The following PPP2R2B variants were observed in gnomAD, a reference collection of about 807,000 sequenced individuals.
PPP2R2B encodes serine/threonine-protein phosphatase 2A 55 kDa regulatory subunit B beta isoform.
Under a neutral mutation model 46.0 loss-of-function variants are expected in PPP2R2B, and 5 were observed. The ratio of observed to expected loss-of-function variants is 0.11; its 90% CI spans 0.06 to 0.23. The LOEUF (loss-of-function observed/expected upper bound fraction) is 0.23. PPP2R2B is among the 10% of genes least tolerant of loss of function. PPP2R2B has a pLI of 1.00. For synonymous variants in PPP2R2B, 215 were observed against 206.7 expected, an observed-to-expected ratio of 1.04 and a Z score of -0.34; for missense variants, 367 against 575.0, an observed-to-expected ratio of 0.64 and a Z score of 3.70.
In PPP2R2B at chr5:146,895,883, T is replaced by C. The variant is rs1425639024; in HGVS notation, c.79+159782A>G. On this transcript the variant is annotated intron_variant, in intron 1 of 8. Coordinates refer to the PPP2R2B transcript ENST00000336640. ...TCTAATTCATAAATTCCATAATGTG[T>C]ACATAATTGGAAGACATCAAAATAT... Among the ~76,000 whole-genome samples the C allele has an allele frequency of 2.6e-5, 4 of 152,318 alleles. No homozygotes were observed. The East Asian group carries it at 7.7e-4, about 29-fold the overall frequency.
chr5:146,931,992 GCA>G (rs1763984615), intron 1 of PPP2R2B, among the ~76,000 whole-genome samples: 3 of 152,136 alleles, frequency 2.0e-5, no homozygotes, highest in African/African-American at 7.2e-5. Flanking sequence ...CTGGTCATCA[GCA>G]ATAATCTGAA....
chr5:146,913,554 T>G (rs1267811720), intron 1 of PPP2R2B, among the ~76,000 whole-genome samples: 1 of 151,618 alleles, frequency 6.6e-6, no homozygotes, highest in East Asian at 1.9e-4. Context: ...TTTTCAATGT[T>G]TTTTTTTTCA....
intron 7 of PPP2R2B, among the ~76,000 whole-genome samples, chr5:146,615,523 A>G (rs1246202668): frequency 6.8e-6 from 1 of 147,140 alleles, no homozygotes; most frequent in Non-Finnish European, 1.5e-5. Context: ...ATTAAAAAAA[A>G]AAAAAAAGAA....
chr5:146,901,408 G>A (rs1031690215), intron 1 of PPP2R2B, among the ~76,000 whole-genome samples: 1 of 152,080 alleles, frequency 6.6e-6, no homozygotes, highest in Non-Finnish European at 1.5e-5. Flanking sequence ...GGGGGACTGA[G>A]GTGGGATGAT....
chr5:146,871,841 C>T (rs1761631834), intron 2 of PPP2R2B, among the ~76,000 whole-genome samples: 1 of 152,162 alleles, frequency 6.6e-6, no homozygotes, highest in Non-Finnish European at 1.5e-5. Context: ...ATTTGTTATG[C>T]AAGTTCCTTT....
chr5:146,776,388 A>G (rs993445844), intron 2 of PPP2R2B, among the ~76,000 whole-genome samples: 5 of 152,086 alleles, frequency 3.3e-5, no homozygotes, highest in Admixed American at 1.3e-4. Context: ...TGTCAAGACC[A>G]TTCATTGAGG....
intron 7 of PPP2R2B, among the ~76,000 whole-genome samples, chr5:146,628,013 C>T (rs949699207): frequency 6.6e-6 from 1 of 151,854 alleles, no homozygotes; most frequent in Non-Finnish European, 1.5e-5. Flanking sequence ...GGCACAATCT[C>T]AGCTCACCGC....
At chr5:146,844,631 A>G (rs1022040956) in intron 2 of PPP2R2B, among the ~76,000 whole-genome samples, 1 of 152,238 alleles carries the variant, frequency 6.6e-6, no homozygotes, top group Admixed American at 6.5e-5. Context: ...AAACAAATTT[A>G]AGATTCCATG....
intron 2 of PPP2R2B, among the ~76,000 whole-genome samples, chr5:146,703,978 G>A (rs948086025): frequency 6.6e-6 from 1 of 152,136 alleles, no homozygotes; most frequent in African/African-American, 2.4e-5. Flanking sequence ...CTCTGTACAT[G>A]AACCTGTTTA....
rs182039716 is a variant in PPP2R2B, at chr5:146,909,150, C to G, written c.79+146515G>C. On this transcript the variant is annotated intron_variant, in intron 1 of 8. Transcript: ENST00000336640. The stretch of plus-strand genomic sequence containing the variant: ...AGTGACCTTGACTGTTTCTGACCAC[C>G]AGCTATTACCACAACATAAATTTAC... Among the ~76,000 whole-genome samples, 84 of 152,226 alleles carry G rather than the reference C, an allele frequency of 5.5e-4. 1 individual carries two copies. The highest frequency in any genetic ancestry group is 3.4e-3 in the Middle Eastern group (1 of 294).
intron 1 of PPP2R2B, among the ~76,000 whole-genome samples, chr5:146,950,916 G>A (rs1290839437): frequency 6.6e-5 from 10 of 151,846 alleles, no homozygotes; most frequent in Admixed American, 1.3e-4. Context: ...AAAAATTTTC[G>A]GCAATATGGA....
intron 1 of PPP2R2B, among the ~76,000 whole-genome samples, chr5:146,893,917 G>A (rs1762565534): frequency 6.6e-6 from 1 of 150,452 alleles, no homozygotes; most frequent in Non-Finnish European, 1.5e-5. Context: ...ATGGTGATGG[G>A]TACCTCTAAT....
intron 7 of PPP2R2B, among the ~76,000 whole-genome samples, chr5:146,601,700 T>A (rs985200570): frequency 3.3e-5 from 5 of 152,260 alleles, no homozygotes; most frequent in African/African-American, 4.8e-5. Context: ...TTTTTAAAAT[T>A]AACAAAATTT....
chr5:146,916,382 T>C (rs1361279028), intron 1 of PPP2R2B, among the ~76,000 whole-genome samples: 2 of 151,670 alleles, frequency 1.3e-5, no homozygotes, highest in Non-Finnish European at 2.9e-5. Context: ...TGATTTCAAG[T>C]ATGAATGCTG....
At chr5:146,628,244 C>A (rs1296987559) in intron 7 of PPP2R2B, among the ~76,000 whole-genome samples, 1 of 152,192 alleles carries the variant, frequency 6.6e-6, no homozygotes, top group East Asian at 1.9e-4. Flanking sequence ...TGCACCTGGC[C>A]TAACATCTCA....
intron 2 of PPP2R2B, among the ~76,000 whole-genome samples, chr5:146,719,790 T>G (rs561639751): frequency 6.6e-6 from 1 of 152,290 alleles, no homozygotes; most frequent in Non-Finnish European, 1.5e-5. Context: ...TTCCAACATT[T>G]TGAATGAGTT....
chr5:147,048,242 G>A (rs1321131512), intron 1 of PPP2R2B, among the ~76,000 whole-genome samples: 1 of 152,110 alleles, frequency 6.6e-6, no homozygotes, highest in East Asian at 1.9e-4. Context: ...CTGAAATGTT[G>A]TAGGCAGTCT....
intron 2 of PPP2R2B, among the ~76,000 whole-genome samples, chr5:146,817,530 A>AT (rs1225775382): frequency 7.9e-5 from 12 of 151,918 alleles, no homozygotes; most frequent in Middle Eastern, 6.8e-3. Context: ...ATCTCACACA[A>AT]TTTTTTTTTA....
chr5:146,632,199 TC>T (rs1303782376), intron 7 of PPP2R2B, among the ~76,000 whole-genome samples: 1 of 152,018 alleles, frequency 6.6e-6, no homozygotes, highest in Non-Finnish European at 1.5e-5. Flanking sequence ...AGGACTGGTG[TC>T]CTCATAAGAA....
Sources: gnomAD v4.1 joint callset for allele counts (sites outside exome capture counted in the v4.1 genomes callset) on GRCh38, gnomAD v4.1.1 for gene constraint, MANE v1.5 for transcripts, NCBI Gene and HGNC (gene_info 2026-07-23, HGNC 2026-07-21) for gene names.